ATP8A2: variants seen among roughly 807,000 people sequenced by gnomAD.
ATP8A2 encodes the protein phospholipid-transporting ATPase IB.
Under a neutral mutation model 165.6 loss-of-function variants are expected in ATP8A2, and 100 were observed. The ratio of observed to expected loss-of-function variants is 0.60; its 90% CI spans 0.51 to 0.71. The LOEUF is 0.71. Ranked by LOEUF, ATP8A2 falls within the 30% of genes least tolerant of loss-of-function variation. The probability of loss-of-function intolerance (pLI) is 0.00; values close to 1 mark genes in which losing one functional copy is unlikely to be tolerated. For missense variants in ATP8A2, 1,227 were observed against 1,479.5 expected, an observed-to-expected ratio of 0.83 and a Z score of 2.80; for synonymous variants, 543 against 548.8, an observed-to-expected ratio of 0.99 and a Z score of 0.15.
chr13:25,737,969 C>T (rs1350424985), intron 25 of ATP8A2, among the ~76,000 whole-genome samples: 1 of 152,182 alleles, frequency 6.6e-6, no homozygotes, highest in African/African-American at 2.4e-5. Context: ...CAGGCGTGAG[C>T]CATCACACCC....
At chr13:25,514,050 G>T (rs1197352194) in intron 2 of ATP8A2, among the ~76,000 whole-genome samples, 1 of 151,676 alleles carries the variant, frequency 6.6e-6, no homozygotes, top group Non-Finnish European at 1.5e-5. Context: ...TTGGATATTG[G>T]TCTTGTATTT....
intron 1 of ATP8A2, among the ~76,000 whole-genome samples, chr13:25,393,710 C>T (rs1336049589): frequency 6.6e-6 from 1 of 152,218 alleles, no homozygotes; most frequent in Non-Finnish European, 1.5e-5. Context: ...GCCACTGTGC[C>T]CAGCCCCTAT....
chr13:25,482,981 G>A (rs561592335), intron 2 of ATP8A2, among the ~76,000 whole-genome samples: 1 of 152,314 alleles, frequency 6.6e-6, no homozygotes, highest in East Asian at 1.9e-4. Context: ...AGGGATGATG[G>A]ACAAAGTGCT....
chr13:25,564,616 A>G (rs560823046), intron 16 of ATP8A2, among the ~76,000 whole-genome samples: 36 of 152,348 alleles, frequency 2.4e-4, no homozygotes, highest in African/African-American at 8.7e-4. Context: ...ATTTTTAACT[A>G]CGACATCACA....
chr13:25,712,788 A>T (rs1312047369), intron 25 of ATP8A2, among the ~76,000 whole-genome samples: 1 of 152,200 alleles, frequency 6.6e-6, no homozygotes, highest in African/African-American at 2.4e-5. Context: ...TGTATGTTAA[A>T]AGGGTCGGAA....
intron 25 of ATP8A2, among the ~76,000 whole-genome samples, chr13:25,755,106 G>A (rs1325082950): frequency 6.6e-6 from 1 of 152,228 alleles, no homozygotes; most frequent in Non-Finnish European, 1.5e-5. Flanking sequence ...GACAATGTTT[G>A]TGACAGTTGC....
At chr13:25,702,121 G>A (rs2042964155) in intron 25 of ATP8A2, among the ~76,000 whole-genome samples, 1 of 152,068 alleles carries the variant, frequency 6.6e-6, no homozygotes, top group African/African-American at 2.4e-5. Flanking sequence ...CAAACATAAA[G>A]TTGACCTTAA....
In ATP8A2 at chr13:25,851,790, G is replaced by C. The variant is rs138363037; in HGVS notation, c.2957-8405G>C. ...GTTTGTCTCATGTAAAGGCCATCCA[G>C]CTTCATGAATTGCGTTGCTCTGTGC... is the stretch of plus-strand genomic sequence containing the variant. On this transcript the variant is annotated intron_variant, in intron 30 of 36. Coordinates refer to ENST00000381655, the MANE Select transcript of ATP8A2 (RefSeq NM_016529.6). Among the ~76,000 whole-genome samples, 794 of 152,164 alleles carry C rather than the reference G, an allele frequency of 5.2e-3. 6 individuals are homozygous for C. Among genetic ancestry groups the C allele is most frequent in the African/African-American group, 0.018 (752 of 41,502 alleles).
chr13:25,447,215 G>T (rs1008104514), intron 1 of ATP8A2, among the ~76,000 whole-genome samples: 1 of 152,000 alleles, frequency 6.6e-6, no homozygotes, highest in Non-Finnish European at 1.5e-5. Context: ...TTAACCTGGG[G>T]TTTGCACGCT....
chr13:25,596,257 G>A (rs893469980), intron 24 of ATP8A2, among the ~76,000 whole-genome samples: 4 of 152,198 alleles, frequency 2.6e-5, no homozygotes, highest in Non-Finnish European at 5.9e-5. Context: ...TTAATAGGCA[G>A]TTGTTACAAA....
intron 35 of ATP8A2, among the ~76,000 whole-genome samples, chr13:26,000,307 G>A (rs1171595892): frequency 6.6e-6 from 1 of 152,180 alleles, no homozygotes; most frequent in Non-Finnish European, 1.5e-5. Flanking sequence ...ATTCCGGTCA[G>A]TTGTAACTAT....
At chr13:25,793,362 T>C (rs1051997806) in intron 27 of ATP8A2, among the ~76,000 whole-genome samples, 4 of 152,300 alleles carry the variant, frequency 2.6e-5, no homozygotes, top group Admixed American at 2.6e-4. Flanking sequence ...TTATATTAAG[T>C]CGGGTCACCC....
At chr13:25,669,559 C>T (rs887419889) in intron 24 of ATP8A2, among the ~76,000 whole-genome samples, 9 of 152,314 alleles carry the variant, frequency 5.9e-5, no homozygotes, top group African/African-American at 2.2e-4. Flanking sequence ...AGGTCTTCTC[C>T]AAGCATGTGG....
chr13:25,427,209 G>T (rs182989160), intron 1 of ATP8A2, among the ~76,000 whole-genome samples: 1 of 151,984 alleles, frequency 6.6e-6, no homozygotes, highest in Admixed American at 6.6e-5. Context: ...CCTGAGCTCC[G>T]CCTCCTGTCA....
chr13:25,561,542 TTTTGA>T (rs2039155839), intron 15 of ATP8A2, among the ~76,000 whole-genome samples: 1 of 151,256 alleles, frequency 6.6e-6, no homozygotes, highest in South Asian at 2.1e-4. Flanking sequence ...ACCCCTGGTG[TTTTGA>T]TTTATTTTCT....
At chr13:25,889,076 A>C (rs563741630) in intron 33 of ATP8A2, among the ~76,000 whole-genome samples, 1 of 152,050 alleles carries the variant, frequency 6.6e-6, no homozygotes, top group South Asian at 2.1e-4. Flanking sequence ...CTTCCTTTAT[A>C]CATTCTCCAC....
chr13:25,438,556 A>C (rs1370863118), intron 1 of ATP8A2, among the ~76,000 whole-genome samples: 1 of 152,046 alleles, frequency 6.6e-6, no homozygotes, highest in African/African-American at 2.4e-5. Flanking sequence ...TGGGCGGTTC[A>C]CTTGAGCCCA....
chr13:25,705,611 G>T (rs2043040657), intron 25 of ATP8A2, among the ~76,000 whole-genome samples: 1 of 152,226 alleles, frequency 6.6e-6, no homozygotes, highest in African/African-American at 2.4e-5. Context: ...AAAAGGCCGA[G>T]TGGACGCACT....
chr13:25,513,666 C>T (rs998916182), intron 2 of ATP8A2, among the ~76,000 whole-genome samples: 5 of 152,084 alleles, frequency 3.3e-5, no homozygotes. Flanking sequence ...GCCTGGGCAC[C>T]ATTGAGCACT....
Sources: gnomAD v4.1 joint callset for allele counts (sites outside exome capture counted in the v4.1 genomes callset) on GRCh38, gnomAD v4.1.1 for gene constraint, MANE v1.5 for transcripts, NCBI Gene and HGNC (gene_info 2026-07-23, HGNC 2026-07-21) for gene names.